Variants in C12orf42 observed in about 807,000 individuals in gnomAD.
C12orf42 encodes chromosome 12 open reading frame 42.
In C12orf42, 25 loss-of-function variants were observed where a neutral mutation model predicts 21.6. That is an observed-to-expected ratio of 1.16 (90% CI 0.84 to 1.62). C12orf42 has a LOEUF of 1.62. Among genes scored for constraint, C12orf42 ranks in the 40% most tolerant of loss-of-function variants. C12orf42 has a pLI of 0.00. For missense variants in C12orf42, 483 were observed against 459.3 expected (o/e 1.05, Z -0.47); for synonymous variants, 174 against 175.0 (o/e 0.99, Z 0.05).
chr12:103,352,993 C>G (rs1336294373), intron 4 of C12orf42, among the ~76,000 whole-genome samples: 2 of 152,052 alleles, frequency 1.3e-5, no homozygotes, highest in African/African-American at 4.8e-5. Flanking sequence ...AAAGTTGAGA[C>G]AAATGCATAC....
chr12:103,069,045 G>A, the C12orf42 span, among the ~76,000 whole-genome samples: 1 of 135,390 alleles, frequency 7.4e-6, no homozygotes, highest in East Asian at 2.1e-4. Context: ...GCTGATTTAT[G>A]TATTTTTAAA....
At chr12:103,331,072 T>C (rs2041201578) in intron 4 of C12orf42, among the ~76,000 whole-genome samples, 1 of 152,246 alleles carries the variant, frequency 6.6e-6, no homozygotes. Context: ...TGACTTATTA[T>C]GAGGTATGTG....
At chr12:103,562,086 G>A in the C12orf42 span, among the ~76,000 whole-genome samples, 1 of 152,184 alleles carries the variant, frequency 6.6e-6, no homozygotes, top group African/African-American at 2.4e-5. Context: ...AGTCAGGGCT[G>A]GCAAAATCAA....
At chr12:103,409,387 G>A (rs1467071443) in intron 2 of C12orf42, among the ~76,000 whole-genome samples, 1 of 152,166 alleles carries the variant, frequency 6.6e-6, no homozygotes, top group East Asian at 1.9e-4. Flanking sequence ...GGTAAGATGG[G>A]CTTCCACATT....
the C12orf42 span, among the ~76,000 whole-genome samples, chr12:103,140,599 G>A: frequency 1.3e-5 from 2 of 152,182 alleles, no homozygotes; most frequent in African/African-American, 4.8e-5. Flanking sequence ...GAAACAGGGA[G>A]GGGGAGAGCA....
intron 2 of C12orf42, among the ~76,000 whole-genome samples, chr12:103,430,387 G>C (rs1187923116): frequency 6.6e-6 from 1 of 152,166 alleles, no homozygotes. Context: ...GGTCATTAGA[G>C]ACATGCAAAT....
At chr12:103,544,719 A>C in the C12orf42 span, among the ~76,000 whole-genome samples, 2 of 152,052 alleles carry the variant, frequency 1.3e-5, no homozygotes, top group East Asian at 3.8e-4. Context: ...CTTCATTCTG[A>C]ATACTTTCTT....
the C12orf42 span, among the ~76,000 whole-genome samples, chr12:103,561,686 C>T: frequency 1.3e-5 from 2 of 152,106 alleles, no homozygotes; most frequent in South Asian, 2.1e-4. Context: ...AAGCAAACAA[C>T]AAACAAAAAG....
At chr12:103,218,333 G>A in the C12orf42 span, among the ~76,000 whole-genome samples, 1 of 151,782 alleles carries the variant, frequency 6.6e-6, no homozygotes, top group Non-Finnish European at 1.5e-5. Flanking sequence ...CTCTTCCTGA[G>A]GTCAGGAAAA....
the C12orf42 span, among the ~76,000 whole-genome samples, chr12:103,523,378 T>G: frequency 6.6e-6 from 1 of 152,004 alleles, no homozygotes; most frequent in African/African-American, 2.4e-5. Context: ...TTTTGGCCAT[T>G]ATATGTCTTC....
At chr12:103,412,219 A>G (rs1490510320) in intron 2 of C12orf42, among the ~76,000 whole-genome samples, 1 of 152,242 alleles carries the variant, frequency 6.6e-6, no homozygotes, top group Non-Finnish European at 1.5e-5. Context: ...TCAGAACTGA[A>G]ATGAGAAATA....
chr12:103,098,886 A>G, the C12orf42 span, among the ~76,000 whole-genome samples: 1 of 152,224 alleles, frequency 6.6e-6, no homozygotes, highest in African/African-American at 2.4e-5. Context: ...AACTGGGTGG[A>G]TTTGATTGAG....
At chr12:103,138,681 G>A in the C12orf42 span, among the ~76,000 whole-genome samples, 1 of 152,104 alleles carries the variant, frequency 6.6e-6, no homozygotes, top group African/African-American at 2.4e-5. Flanking sequence ...CATCATTCTT[G>A]TTCTCACTTC....
downstream of C12orf42, chr12:103,268,177 T>C (rs1244904772): frequency 6.6e-6 from 1 of 151,972 alleles, no homozygotes; most frequent in Non-Finnish European, 1.5e-5. Flanking sequence ...CTTTTCTCTG[T>C]CTCCTCTTCT....
rs528543070 is a variant in C12orf42, at chr12:103,238,836, C to T, written c.*1367-934G>A. 5.3e-5 allele frequency among the ~76,000 whole-genome samples: 8 copies of T among 152,278 alleles called. No individual in the cohort carries two copies. In the South Asian group the frequency reaches 6.2e-4, roughly 12 times the overall value. ...AGAGGGACCAGGGAACAGCCAGCGA[C>T]GTGGTCTGAATCAAGGTGGTAGTAG... is the stretch of plus-strand genomic sequence containing the variant. On this transcript the variant is annotated intron_variant and NMD_transcript_variant, in intron 10 of 10. Coordinates refer to the C12orf42 transcript ENST00000547347.
At chr12:103,506,863 T>TATA in the C12orf42 span, among the ~76,000 whole-genome samples, 7 of 79,648 alleles carry the variant, frequency 8.8e-5, no homozygotes, top group African/African-American at 3.7e-4. Context: ...ATATATTATA[T>TATA]ATATATATTT....
chr12:103,467,902 C>T (rs1456461403), intron 2 of C12orf42, among the ~76,000 whole-genome samples: 1 of 152,068 alleles, frequency 6.6e-6, no homozygotes, highest in East Asian at 1.9e-4. Flanking sequence ...ACATATTTAG[C>T]CCTCCTGTGG....
chr12:103,515,048 A>G, the C12orf42 span, among the ~76,000 whole-genome samples: 1 of 152,200 alleles, frequency 6.6e-6, no homozygotes, highest in Admixed American at 6.5e-5. Context: ...ACACTGCTAA[A>G]CATCCTGTAA....
intron 10 of C12orf42, among the ~76,000 whole-genome samples, chr12:103,260,987 G>T (rs771415351): frequency 6.6e-6 from 1 of 151,890 alleles, no homozygotes; most frequent in Non-Finnish European, 1.5e-5. Context: ...TTTGCACTTA[G>T]GATAAATATA....
Sources: allele counts gnomAD v4.1 joint callset (sites outside exome capture counted in the v4.1 genomes callset), GRCh38; gene constraint gnomAD v4.1.1; transcripts MANE v1.5; gene names NCBI Gene and HGNC (gene_info 2026-07-23, HGNC 2026-07-21).